Variants in ATP11C observed in about 807,000 individuals in gnomAD.
The protein encoded by ATP11C is ATPase phospholipid transporting 11C (ATP11C blood group).
Under a neutral mutation model 97.4 loss-of-function variants are expected in ATP11C, and 36 were observed. The ratio of observed to expected loss-of-function variants is 0.37; its 90% CI spans 0.28 to 0.49. The LOEUF (loss-of-function observed/expected upper bound fraction) is 0.49, where lower values mean the gene tolerates loss of function less well. Ranked by LOEUF, ATP11C falls within the 20% of genes least tolerant of loss-of-function variation. The pLI is 0.98. For synonymous variants in ATP11C, 275 were observed against 290.9 expected, an observed-to-expected ratio of 0.95 and a Z score of 0.56; for missense variants, 730 against 824.6, an observed-to-expected ratio of 0.89 and a Z score of 1.40.
chrX:139,851,679 A>T lies in ATP11C; in HGVS notation c.28-24856T>A, dbSNP rs141487230. ...AGTGCACTGAACCCAACAAAGCCAT[A>T]GGAGCAAGGCTGCCTGAGGCCTTGG... On this transcript the variant is annotated intron_variant, in intron 1 of 29. Coordinates refer to ENST00000682941, the MANE Select transcript of ATP11C (RefSeq NM_001353812.2). Among the ~76,000 whole-genome samples, 627 of 112,126 alleles carry T rather than the reference A, an allele frequency of 5.6e-3. 3 individuals are homozygous for T. Among genetic ancestry groups the T allele is most frequent in the Non-Finnish European group, 8.7e-3 (461 of 53,189 alleles).
Position 139,728,845 on chromosome X carries a change from T to C in ATP11C, c.*121A>G, listed in dbSNP as rs1322716695. On this transcript the variant is annotated 3_prime_UTR_variant, in exon 30 of 30. Transcript: ENST00000682941. ...CATGAGAGTGGTTTAGTGTGTTGCG[T>C]ATCAAGTATCCTGAGATGATAACTT... 3 of 973,446 alleles carry C rather than the reference T, an allele frequency of 3.1e-6. No homozygotes were observed. Among genetic ancestry groups the C allele is most frequent in the Admixed American group, 2.3e-5 (1 of 43,873 alleles). The allele number at this position is 973,446 out of a possible 1,213,427, so 80.2% of individuals were successfully genotyped here. A position where few individuals can be genotyped will look rare whatever the true frequency, so the allele number is the denominator to read the frequency against.
rs746863252 is a variant in ATP11C at position 139,798,756 on chromosome X, T to C, written c.711-13A>G. The C allele has an allele frequency of 8.4e-7, 1 of 1,190,442 alleles. No homozygotes were observed. Among genetic ancestry groups the C allele is most frequent in the African/African-American group, 1.7e-5 (1 of 57,231 alleles). ...AGGTCCCAAAGACCTAAATAAAAAA[T>C]GAACACAGCTTATCCAAACAAGCCA... is the stretch of plus-strand genomic sequence containing the variant. On this transcript the variant is annotated splice_polypyrimidine_tract_variant and intron_variant, in intron 8 of 29. Transcript: ENST00000682941.
At chrX:139,744,091 C>T (rs1452857046) in intron 25 of ATP11C, among the ~76,000 whole-genome samples, 1 of 109,408 alleles carries the variant, frequency 9.1e-6, no homozygotes, top group East Asian at 2.9e-4. Context: ...GCTGTAAATA[C>T]AAGAGCTATC....
chrX:139,765,704 T>C (rs1182723824), intron 20 of ATP11C, among the ~76,000 whole-genome samples: 1 of 112,009 alleles, frequency 8.9e-6, no homozygotes, highest in Non-Finnish European at 1.9e-5. Flanking sequence ...TCAATTGGAA[T>C]TTTCATATAG....
chrX:139,799,317 C>T (rs1408418874), intron 8 of ATP11C, among the ~76,000 whole-genome samples: 2 of 111,436 alleles, frequency 1.8e-5, no homozygotes, highest in African/African-American at 3.3e-5. Context: ...ACATACAATT[C>T]GTATACATAA....
intron 1 of ATP11C, among the ~76,000 whole-genome samples, chrX:139,902,594 C>A (rs1458441375): frequency 8.9e-6 from 1 of 112,135 alleles, no homozygotes; most frequent in Non-Finnish European, 1.9e-5. Context: ...AAGCAAAAAA[C>A]AAACTATGTT....
At chrX:139,879,555 T>C (rs1390661767) in intron 1 of ATP11C, among the ~76,000 whole-genome samples, 2 of 111,246 alleles carry the variant, frequency 1.8e-5, no homozygotes, top group Non-Finnish European at 1.9e-5. Flanking sequence ...AATTTTCAGA[T>C]AGAAGATGAA....
intron 1 of ATP11C, among the ~76,000 whole-genome samples, chrX:139,897,752 T>C (rs755125467): frequency 1.8e-5 from 2 of 109,818 alleles, no homozygotes; most frequent in African/African-American, 3.3e-5. Flanking sequence ...TTCTGAGAAG[T>C]GCTTTAAGTG....
chrX:139,756,234 C>G (rs773941300), intron 23 of ATP11C, among the ~76,000 whole-genome samples: 2 of 112,209 alleles, frequency 1.8e-5, no homozygotes, highest in South Asian at 7.3e-4. Flanking sequence ...CGCTCAACAT[C>G]ACTAATCATT....
At position 139,932,004 on chromosome X, in the gene ATP11C, G is replaced by C. The variant is rs1221232445; in HGVS notation, c.27+12C>G. 5 of 1,164,853 alleles carry C rather than the reference G, an allele frequency of 4.3e-6. No individual in the cohort carries two copies. The highest frequency in any genetic ancestry group is 5.7e-6 in the Non-Finnish European group (5 of 871,020). ...AAACCGGCACGCGCGGAGCCGCAGC[G>C]AGTGTACTTACAAAACGATTCAAGC... On this transcript the variant is annotated intron_variant, in intron 1 of 29. Coordinates refer to ENST00000682941, the MANE Select transcript of ATP11C (RefSeq NM_001353812.2).
chrX:139,897,670 C>CAAA (rs750202200), intron 1 of ATP11C, among the ~76,000 whole-genome samples: 9 of 77,150 alleles, frequency 1.2e-4, no homozygotes, highest in African/African-American at 4.3e-4. Flanking sequence ...GACTCTGTCT[C>CAAA]AAAAAAAAAA....
chrX:139,812,522 C>T (rs773891163), intron 5 of ATP11C, among the ~76,000 whole-genome samples: 1 of 108,816 alleles, frequency 9.2e-6, no homozygotes, highest in South Asian at 4.0e-4. Context: ...ATTTAGGCAG[C>T]CTTTGTTTGT....
chrX:139,870,112 A>G (rs2084350139), intron 1 of ATP11C, among the ~76,000 whole-genome samples: 2 of 111,448 alleles, frequency 1.8e-5, no homozygotes, highest in African/African-American at 6.5e-5. Context: ...GAGGCAATAG[A>G]TATGTTTATT....
At chrX:139,784,262 ATGT>A (rs764997005) in intron 16 of ATP11C, among the ~76,000 whole-genome samples, 14 of 111,800 alleles carry the variant, frequency 1.3e-4, no homozygotes, top group Non-Finnish European at 2.4e-4. Context: ...AGTATTTGAA[ATGT>A]TGTGTTTTTT....
At chrX:139,731,586 T>C (rs751637397) in intron 29 of ATP11C, 65 bp downstream of exon 29, 1 of 682,548 alleles carries the variant, frequency 1.5e-6, no homozygotes, top group Non-Finnish European at 2.1e-6. Flanking sequence ...GATATTTTCA[T>C]TTTTTCTTTA....
intron 8 of ATP11C, among the ~76,000 whole-genome samples, 154 bp from the exon 9 acceptor site, chrX:139,798,897 G>C (rs139308185): frequency 9.0e-6 from 1 of 111,268 alleles, no homozygotes; most frequent in East Asian, 2.8e-4. Flanking sequence ...CAAGCTGAAA[G>C]GTCCTTCACT....
At position 139,782,743 on chromosome X, in the gene ATP11C, G is replaced by T; in HGVS notation, c.1771-15C>A. 1 of 1,113,413 alleles carries T rather than the reference G, an allele frequency of 9.0e-7. No individual in the cohort carries two copies. The highest frequency in any genetic ancestry group is 1.2e-6 in the Non-Finnish European group (1 of 826,377). The allele number at this position is 1,113,413 out of a possible 1,213,427, so 91.8% of individuals were successfully genotyped here. ...CGATACCCATCCTAGGAGTAAAGTAGGAGATCTGTAGTTATTCTAATAATA... is the reference window on the plus strand; with the variant it reads ...CGATACCCATCCTAGGAGTAAAGTATGAGATCTGTAGTTATTCTAATAATA... On this transcript the variant is annotated splice_polypyrimidine_tract_variant and intron_variant, in intron 17 of 29. Transcript: ENST00000682941.
At chrX:139,817,037 T>C (rs1046990864) in intron 3 of ATP11C, 94 bp from the exon 4 acceptor site, 51 of 489,843 alleles carry the variant, frequency 1.0e-4, no homozygotes, top group East Asian at 4.0e-4. Flanking sequence ...AACAGAAACA[T>C]AGACAAAACA....
intron 1 of ATP11C, among the ~76,000 whole-genome samples, chrX:139,892,163 T>C (rs2084741483): frequency 9.0e-6 from 1 of 111,439 alleles, no homozygotes; most frequent in Admixed American, 9.6e-5. Flanking sequence ...GGCCTAGTAA[T>C]AGATTTTTAA....
Sources: gnomAD v4.1 joint callset for allele counts (sites outside exome capture counted in the v4.1 genomes callset) on GRCh38, gnomAD v4.1.1 for gene constraint, MANE v1.5 for transcripts, NCBI Gene and HGNC (gene_info 2026-07-23, HGNC 2026-07-21) for gene names.